Variants in NAV1 observed in about 807,000 individuals in gnomAD.
NAV1 encodes the protein pore membrane and/or filament interacting like protein 3.
NAV1 carries 18 observed loss-of-function variants against 175.2 expected under a neutral mutation model. The ratio of observed to expected loss-of-function variants is 0.10; its 90% CI spans 0.07 to 0.15. NAV1 has a LOEUF of 0.15. Ranked by LOEUF, NAV1 falls within the 10% of genes least tolerant of loss-of-function variation. NAV1 has a pLI of 1.00. For synonymous variants in NAV1, 897 were observed against 978.7 expected (o/e 0.92, Z 1.56); for missense variants, 1,731 against 2,436.6 (o/e 0.71, Z 6.10).
At position 201,812,359 on chromosome 1, in the gene NAV1, G is replaced by T; in HGVS notation, c.5025-106G>T. 1.8e-6 allele frequency: 2 copies of T among 1,105,918 alleles called. No individual in the cohort carries two copies. The highest frequency in any genetic ancestry group is 2.7e-6 in the Non-Finnish European group (2 of 754,130). 68.5% of individuals were successfully genotyped at this position (1,105,918 alleles called of 1,614,324 possible). A position where few individuals can be genotyped will look rare whatever the true frequency, so the allele number is the denominator to read the frequency against. On this transcript the variant is annotated intron_variant, in intron 26 of 29. Transcript: ENST00000367296. The surrounding 1 kb of genome is among the most constrained non-coding windows in gnomAD (Gnocchi z 4.6). ...CTATTACTTGAAAAGAAACCAAGTAGGCATTAGTGAGAAGCAGGCAGAAGG... is the reference window on the plus strand; with the variant it reads ...CTATTACTTGAAAAGAAACCAAGTATGCATTAGTGAGAAGCAGGCAGAAGG...
chr1:201,546,679 T>G (rs1665681812), intron 1 of NAV1, among the ~76,000 whole-genome samples: 1 of 151,888 alleles, frequency 6.6e-6, no homozygotes, highest in South Asian at 2.1e-4. Context: ...CCAAGGTGGG[T>G]GGGTCACGAG....
chr1:201,597,917 A>G (rs1481620763), intron 2 of NAV1, among the ~76,000 whole-genome samples: 3 of 152,196 alleles, frequency 2.0e-5, no homozygotes, highest in Admixed American at 1.3e-4. Context: ...GAGTCGGGGA[A>G]GTAGGCCCCA....
intron 8 of NAV1, 83 bp downstream of exon 12, chr1:201,785,434 TC>T: frequency 7.1e-7 from 1 of 1,416,360 alleles, no homozygotes; most frequent in Non-Finnish European, 9.9e-7. Context: ...TGTCCAAGGC[TC>T]CAGTCATGAA....
At chr1:201,742,724 C>T (rs1430931619) in intron 3 of NAV1, among the ~76,000 whole-genome samples, 6 of 152,264 alleles carry the variant, frequency 3.9e-5, no homozygotes, top group African/African-American at 1.2e-4. Flanking sequence ...CAGAGGGCTT[C>T]GGCTTGGCAC....
At chr1:201,615,510 A>G (rs1667979430) in intron 2 of NAV1, among the ~76,000 whole-genome samples, 1 of 151,832 alleles carries the variant, frequency 6.6e-6, no homozygotes, top group African/African-American at 2.4e-5. Flanking sequence ...TGATCCACCC[A>G]CCTTGACCTC....
intron 3 of NAV1, among the ~76,000 whole-genome samples, chr1:201,742,709 T>A (rs1673501782): frequency 6.6e-6 from 1 of 151,976 alleles, no homozygotes; most frequent in African/African-American, 2.4e-5. Flanking sequence ...AGAGACTCCC[T>A]GGGGCAGAGG....
intron 3 of NAV1, among the ~76,000 whole-genome samples, chr1:201,730,217 A>C (rs969076481): frequency 8.5e-5 from 13 of 152,240 alleles, no homozygotes; most frequent in Non-Finnish European, 1.9e-4. Context: ...TGGTTTGCAC[A>C]CACTAATATG....
At chr1:201,797,808 A>G (rs989286475) in intron 15 of NAV1, 1 of 152,188 alleles carries the variant, frequency 6.6e-6, no homozygotes, top group Non-Finnish European at 1.5e-5. Flanking sequence ...TAAAAATACA[A>G]TTGATTTTTT....
intron 3 of NAV1, among the ~76,000 whole-genome samples, chr1:201,751,835 C>T (rs1427642625): frequency 6.6e-6 from 1 of 152,192 alleles, no homozygotes; most frequent in East Asian, 1.9e-4. Context: ...CTTGCCTGAA[C>T]ACCTGTGTAT....
At chr1:201,557,855 A>G (rs578211235) in intron 1 of NAV1, among the ~76,000 whole-genome samples, 1 of 152,308 alleles carries the variant, frequency 6.6e-6, no homozygotes, top group South Asian at 2.1e-4. Context: ...GAAGGACGAA[A>G]GGACTCCTCA....
chr1:201,654,645 A>G (rs1392266108), intron 1 of NAV1, among the ~76,000 whole-genome samples: 1 of 151,964 alleles, frequency 6.6e-6, no homozygotes, highest in African/African-American at 2.4e-5. Context: ...TCTGCAGCAC[A>G]CTGCAATGTC....
intron 1 of NAV1, among the ~76,000 whole-genome samples, chr1:201,689,310 C>T (rs574731392): frequency 4.6e-5 from 7 of 152,288 alleles, no homozygotes; most frequent in African/African-American, 1.2e-4. Flanking sequence ...GCATCTAGGC[C>T]GCTACAGGAC....
intron 2 of NAV1, among the ~76,000 whole-genome samples, chr1:201,642,650 G>C (rs1418237848): frequency 1.8e-5 from 2 of 111,000 alleles, no homozygotes; most frequent in African/African-American, 3.8e-5. Flanking sequence ...TTCCTCCCTC[G>C]CTCCTTCCTT....
At chr1:201,652,011 G>A (rs189043798) in intron 1 of NAV1, among the ~76,000 whole-genome samples, 8 of 152,260 alleles carry the variant, frequency 5.3e-5, no homozygotes, top group Admixed American at 4.6e-4. Context: ...GGTAGAGGGA[G>A]AGGAACTACA....
chr1:201,624,397 A>G (rs1008805381), intron 1 of NAV1, among the ~76,000 whole-genome samples: 4 of 128,588 alleles, frequency 3.1e-5, no homozygotes, highest in African/African-American at 1.2e-4. Context: ...AGGCTGGAGT[A>G]CAGTGGTGCG....
At chr1:201,703,571 C>T (rs1355430866) in intron 1 of NAV1, among the ~76,000 whole-genome samples, 1 of 152,218 alleles carries the variant, frequency 6.6e-6, no homozygotes, top group Non-Finnish European at 1.5e-5. Flanking sequence ...CATGGACCAC[C>T]CTTGACCTTG....
At chr1:201,643,396 CT>C (rs1260818918), upstream of NAV1, among the ~76,000 whole-genome samples, 1 of 138,276 alleles carries the variant, frequency 7.2e-6, no homozygotes, top group Non-Finnish European at 1.5e-5. Context: ...TCCCTTTCTC[CT>C]CTCCCTTCCC....
At chr1:201,642,167 C>CCCTCCCTTCCTTCCTTCCTTCCTTCCTT (rs754218887) in intron 2 of NAV1, among the ~76,000 whole-genome samples, 17 of 116,492 alleles carry the variant, frequency 1.5e-4, no homozygotes, top group East Asian at 6.8e-4. Context: ...TCTCTCCCCT[C>CCCTCCCTTCCTTCCTTCCTTCCTTCCTT]CCTTCCTTCC....
intron 2 of NAV1, among the ~76,000 whole-genome samples, chr1:201,642,824 C>T (rs1386609100): frequency 6.6e-6 from 1 of 150,906 alleles, no homozygotes; most frequent in Non-Finnish European, 1.5e-5. Context: ...GGCTGGAGTG[C>T]AGTGGCGCCA....
Sources: allele counts gnomAD v4.1 joint callset (sites outside exome capture counted in the v4.1 genomes callset), GRCh38; gene constraint gnomAD v4.1.1; non-coding constraint Gnocchi (gnomAD v3.1); transcripts MANE v1.5; gene names NCBI Gene and HGNC (gene_info 2026-07-23, HGNC 2026-07-21).